The following ANKIB1 variants were observed in gnomAD, a reference collection of about 807,000 sequenced individuals.
The protein encoded by ANKIB1 is ankyrin repeat and IBR domain-containing protein 1.
ANKIB1 carries 43 observed loss-of-function variants against 122.1 expected under a neutral mutation model. The ratio of observed to expected loss-of-function variants is 0.35; its 90% confidence interval spans 0.28 to 0.45. ANKIB1 has a LOEUF of 0.45. ANKIB1 is among the 20% of genes least tolerant of loss of function. The pLI is 1.00. For synonymous variants in ANKIB1, 390 were observed against 442.0 expected (o/e 0.88, Z 1.48); for missense variants, 992 against 1,329.5 (o/e 0.75, Z 3.95).
intron 1 of ANKIB1, among the ~76,000 whole-genome samples, chr7:92,250,863 T>G (rs1801316118): frequency 6.6e-6 from 1 of 152,238 alleles, no homozygotes; most frequent in Non-Finnish European, 1.5e-5. Flanking sequence ...AGCCTTATTT[T>G]TATCCTCAAC....
intron 5 of ANKIB1, among the ~76,000 whole-genome samples, chr7:92,339,608 G>C (rs1350397001): frequency 6.6e-6 from 1 of 152,182 alleles, no homozygotes; most frequent in Non-Finnish European, 1.5e-5. Context: ...GCACTAGGCT[G>C]AGTAATGGAG....
chr7:92,283,850 A>G lies in ANKIB1; in HGVS notation c.-90-11039A>G, dbSNP rs374098043. 4.6e-5 allele frequency among the ~76,000 whole-genome samples: 7 copies of G among 152,272 alleles called. No homozygotes were observed. The East Asian group carries it at 1.2e-3, about 25-fold the overall frequency. ...CAGTGGCACAATCTCGGCTCACTGCAACCTCCGTCTCCCTGGCTCAAGTCA... is the reference window on the plus strand; with the variant it reads ...CAGTGGCACAATCTCGGCTCACTGCGACCTCCGTCTCCCTGGCTCAAGTCA... On this transcript the variant is annotated intron_variant, in intron 1 of 19. Coordinates refer to ENST00000265742, the MANE Select transcript of ANKIB1 (RefSeq NM_019004.2).
intron 1 of ANKIB1, among the ~76,000 whole-genome samples, chr7:92,272,568 G>C (rs1293277107): frequency 6.6e-6 from 1 of 152,140 alleles, no homozygotes; most frequent in Non-Finnish European, 1.5e-5. Context: ...AAAAGCCCTA[G>C]GATGACAGTT....
chr7:92,343,270 T>G, intron 6 of ANKIB1, 38 bp downstream of exon 6: 1 of 1,528,780 alleles, frequency 6.5e-7, no homozygotes, highest in South Asian at 1.1e-5. Context: ...CATAGCTTTG[T>G]TTATAGTCTT....
intron 5 of ANKIB1, among the ~76,000 whole-genome samples, chr7:92,329,235 G>A (rs184581658): frequency 2.3e-3 from 352 of 152,060 alleles, no homozygotes; most frequent in Non-Finnish European, 3.5e-3. Flanking sequence ...CAGAGTGCTG[G>A]GATTACAGGC....
chr7:92,247,196 T>G (rs1261970967), intron 1 of ANKIB1, among the ~76,000 whole-genome samples: 2 of 152,240 alleles, frequency 1.3e-5, no homozygotes, highest in Admixed American at 6.5e-5. Flanking sequence ...AATGACCATT[T>G]CAGAAGAGCT....
chr7:92,378,199 T>C (rs1239740379), intron 11 of ANKIB1, among the ~76,000 whole-genome samples: 1 of 152,160 alleles, frequency 6.6e-6, no homozygotes, highest in Non-Finnish European at 1.5e-5. Context: ...TGATCTGGAA[T>C]GCTTGGAACT....
chr7:92,357,793 A>G (rs987097289), intron 9 of ANKIB1, among the ~76,000 whole-genome samples: 5 of 151,904 alleles, frequency 3.3e-5, no homozygotes, highest in African/African-American at 9.7e-5. Flanking sequence ...GCATTCTAGC[A>G]TCTTCACTAC....
chr7:92,279,425 C>T (rs1046021777), intron 1 of ANKIB1, among the ~76,000 whole-genome samples: 1 of 152,206 alleles, frequency 6.6e-6, no homozygotes, highest in Non-Finnish European at 1.5e-5. Context: ...AATATAGAGT[C>T]GATCAGCAGC....
intron 1 of ANKIB1, among the ~76,000 whole-genome samples, chr7:92,293,699 T>C (rs962756634): frequency 5.3e-5 from 8 of 152,252 alleles, no homozygotes; most frequent in African/African-American, 1.7e-4. Flanking sequence ...AAAGTGTAAG[T>C]TCCTTATCTG....
Position 92,309,943 on chromosome 7 carries a change from AT to A in ANKIB1, c.486+2288del, listed in dbSNP as rs1414007465. Among the ~76,000 whole-genome samples, 471 of 102,504 alleles carry A rather than the reference AT, an allele frequency of 4.6e-3. 3 individuals carry two copies. Among genetic ancestry groups the A allele is most frequent in the African/African-American group, 0.012 (324 of 26,226 alleles). The allele number at this position is 102,504 out of a possible 152,430, so 67.2% of individuals were successfully genotyped here. ...CCATCTAAAAAAAAAAAAAAAAAAA[AT>A]ATATATATATATATATATAAATTAA... On this transcript the variant is annotated intron_variant, in intron 3 of 19. Transcript: ENST00000265742.
intron 11 of ANKIB1, 30 bp from the exon 12 acceptor site, chr7:92,386,479 A>G: frequency 1.3e-6 from 2 of 1,560,322 alleles, no homozygotes; most frequent in Non-Finnish European, 8.7e-7. Flanking sequence ...TAATATGGGG[A>G]GATGTTTTCA....
intron 2 of ANKIB1, among the ~76,000 whole-genome samples, chr7:92,306,818 C>G (rs1224977745): frequency 1.3e-5 from 2 of 152,028 alleles, no homozygotes; most frequent in African/African-American, 4.8e-5. Context: ...AGCTGATGAC[C>G]TTGGTGGAGA....
At chr7:92,318,346 T>G (rs1012515937) in intron 3 of ANKIB1, among the ~76,000 whole-genome samples, 3 of 152,024 alleles carry the variant, frequency 2.0e-5, no homozygotes, top group Non-Finnish European at 4.4e-5. Context: ...TGAAACCTCA[T>G]CTCTACTAAA....
At chr7:92,270,849 G>C (rs754540579) in intron 1 of ANKIB1, among the ~76,000 whole-genome samples, 1 of 148,592 alleles carries the variant, frequency 6.7e-6, no homozygotes, top group Non-Finnish European at 1.5e-5. Context: ...CTAGGTTGTA[G>C]CATTTTCCTT....
intron 1 of ANKIB1, among the ~76,000 whole-genome samples, chr7:92,291,260 C>G (rs1003651192): frequency 6.6e-6 from 1 of 150,806 alleles, no homozygotes; most frequent in African/African-American, 2.4e-5. Context: ...TATTGCTCCA[C>G]TCCAATTTGG....
intron 5 of ANKIB1, among the ~76,000 whole-genome samples, chr7:92,337,873 A>G (rs1803322603): frequency 6.6e-6 from 1 of 152,228 alleles, no homozygotes; most frequent in Non-Finnish European, 1.5e-5. Context: ...AAGCCTTGAT[A>G]AAGGCAAGTT....
At chr7:92,368,735 T>TAC (rs1804161298) in intron 10 of ANKIB1, among the ~76,000 whole-genome samples, 31 of 150,862 alleles carry the variant, frequency 2.1e-4, no homozygotes, top group South Asian at 2.1e-4. Context: ...AAAAAAAAAA[T>TAC]GTATGTATAA....
At chr7:92,252,828 G>T (rs1388809697) in intron 1 of ANKIB1, among the ~76,000 whole-genome samples, 1 of 151,470 alleles carries the variant, frequency 6.6e-6, no homozygotes, top group African/African-American at 2.4e-5. Flanking sequence ...CTTGTGCTTT[G>T]TCTACTAGAG....
Sources: gnomAD v4.1 joint callset for allele counts (sites outside exome capture counted in the v4.1 genomes callset) on GRCh38, gnomAD v4.1.1 for gene constraint, MANE v1.5 for transcripts, NCBI Gene and HGNC (gene_info 2026-07-23, HGNC 2026-07-21) for gene names.